ZSWIM5: variants seen among roughly 807,000 people sequenced by gnomAD.
ZSWIM5 encodes the protein zinc finger SWIM domain-containing protein 5.
Under a neutral mutation model 119.6 loss-of-function variants are expected in ZSWIM5, and 55 were observed. That is an observed-to-expected ratio of 0.46 (90% CI 0.37 to 0.58). The LOEUF is 0.58. ZSWIM5 is among the 20% of genes least tolerant of loss of function. ZSWIM5 has a pLI of 0.00. For synonymous variants in ZSWIM5, 537 were observed against 606.9 expected (o/e 0.88, Z 1.69); for missense variants, 1,193 against 1,512.8 (o/e 0.79, Z 3.51).
chr1:45,143,536 T>C (rs1557778946), intron 1 of ZSWIM5, among the ~76,000 whole-genome samples: 2 of 152,246 alleles, frequency 1.3e-5, no homozygotes, highest in East Asian at 3.9e-4. Flanking sequence ...AAAGGGTATC[T>C]ACAAAAATCC....
chr1:45,064,020 A>G (rs930844452), intron 2 of ZSWIM5, among the ~76,000 whole-genome samples: 1 of 151,954 alleles, frequency 6.6e-6, no homozygotes, highest in Middle Eastern at 3.4e-3. Context: ...TAGTGTACAG[A>G]GAGGCTAACA....
chr1:45,119,564 T>C (rs143817732), intron 1 of ZSWIM5, among the ~76,000 whole-genome samples: 104 of 152,300 alleles, frequency 6.8e-4, no homozygotes, highest in African/African-American at 2.4e-3. Context: ...CCTCAGGCCT[T>C]AGAAGCATGC....
intron 5 of ZSWIM5, 80 bp from the exon 6 acceptor site, chr1:45,043,475 GT>G: frequency 7.1e-7 from 1 of 1,398,956 alleles, no homozygotes; most frequent in Non-Finnish European, 1.0e-6. Flanking sequence ...AGGGTGGGAG[GT>G]TGGCTGAATA....
At chr1:45,023,436 C>T (rs557339814) in intron 11 of ZSWIM5, among the ~76,000 whole-genome samples, 29 of 149,960 alleles carry the variant, frequency 1.9e-4, no homozygotes, top group Non-Finnish European at 8.9e-5. Flanking sequence ...ACATGCAATA[C>T]GCATTTAAGT....
intron 11 of ZSWIM5, among the ~76,000 whole-genome samples, chr1:45,022,954 A>G (rs11211067): frequency 0.66 from 100,726 of 152,154 alleles, 34,405 homozygotes; most frequent in Middle Eastern, 0.78. Flanking sequence ...TTTTTGGAAC[A>G]CTGAGGAGTT....
At chr1:45,193,117 T>C (rs1391383040) in intron 1 of ZSWIM5, among the ~76,000 whole-genome samples, 1 of 151,430 alleles carries the variant, frequency 6.6e-6, no homozygotes, top group Non-Finnish European at 1.5e-5. Flanking sequence ...CAGGCAAATA[T>C]ATATGCTGAT....
chr1:45,096,632 A>G (rs1349614419), intron 1 of ZSWIM5, among the ~76,000 whole-genome samples: 1 of 152,096 alleles, frequency 6.6e-6, no homozygotes, highest in Non-Finnish European at 1.5e-5. Flanking sequence ...AACATTTTCA[A>G]GGAGTTCCTG....
intron 1 of ZSWIM5, among the ~76,000 whole-genome samples, chr1:45,180,484 G>A (rs1225534425): frequency 6.6e-6 from 1 of 152,210 alleles, no homozygotes; most frequent in Non-Finnish European, 1.5e-5. Context: ...TGCCTCTGTA[G>A]GCTCCACCTC....
intron 1 of ZSWIM5, among the ~76,000 whole-genome samples, chr1:45,163,825 A>G (rs1645881015): frequency 6.6e-6 from 1 of 152,228 alleles, no homozygotes; most frequent in Non-Finnish European, 1.5e-5. Context: ...CAATGTGAAA[A>G]GACCAAATCT....
At chr1:45,182,277 G>A (rs1488889642) in intron 1 of ZSWIM5, among the ~76,000 whole-genome samples, 14 of 151,978 alleles carry the variant, frequency 9.2e-5, no homozygotes, top group African/African-American at 2.7e-4. Flanking sequence ...AGTGGCTGGC[G>A]CCTGTAGTCC....
chr1:45,132,884 A>G (rs1645666640), intron 1 of ZSWIM5, among the ~76,000 whole-genome samples: 1 of 152,000 alleles, frequency 6.6e-6, no homozygotes, highest in South Asian at 2.1e-4. Flanking sequence ...TGTCCTTGTG[A>G]TAGTTTGCTG....
chr1:45,158,007 G>A (rs1385103827), intron 1 of ZSWIM5, among the ~76,000 whole-genome samples: 1 of 151,756 alleles, frequency 6.6e-6, no homozygotes, highest in Non-Finnish European at 1.5e-5. Context: ...ATATCTTATT[G>A]AGTTTTCTTT....
intron 5 of ZSWIM5, among the ~76,000 whole-genome samples, chr1:45,046,941 T>C (rs542152500): frequency 6.7e-6 from 1 of 149,154 alleles, no homozygotes; most frequent in Non-Finnish European, 1.5e-5. Context: ...GGAGAATCGC[T>C]TGAACCTGGG....
In ZSWIM5 at chr1:45,172,242, G is replaced by A. The variant is rs531327801; in HGVS notation, c.595+33514C>T. 5.9e-5 allele frequency among the ~76,000 whole-genome samples: 9 copies of A among 152,106 alleles called. No individual in the cohort carries two copies. The East Asian group carries it at 9.7e-4, about 16-fold the overall frequency. On this transcript the variant is annotated intron_variant, in intron 1 of 13. Coordinates refer to ENST00000359600, the MANE Select transcript of ZSWIM5 (RefSeq NM_020883.2). ...GGCTTCCCTATACTTTGTTTTGACC[G>A]TATTTGCTGAGCAAATATTAATAGT...
chr1:45,050,111 T>C (rs1187454716), intron 5 of ZSWIM5, among the ~76,000 whole-genome samples: 1 of 152,186 alleles, frequency 6.6e-6, no homozygotes, highest in Non-Finnish European at 1.5e-5. Context: ...CCCAGCATTC[T>C]GAGAGGCTGA....
At position 45,160,879 on chromosome 1, in the gene ZSWIM5, T is replaced by C. The variant is rs150703402; in HGVS notation, c.595+44877A>G. On this transcript the variant is annotated intron_variant, in intron 1 of 13. Transcript: ENST00000359600. ...CTTTGTCGCCCAGGCTGGAGTGCAG[T>C]GGCAAGATCTCAGCTCACTGCAAGC... Among the ~76,000 whole-genome samples the C allele has an allele frequency of 7.1e-3, 1,069 of 149,988 alleles. 13 individuals carry two copies. Among genetic ancestry groups the C allele is most frequent in the African/African-American group, 0.025 (1,025 of 40,622 alleles).
chr1:45,030,284 G>C (rs911914727), intron 11 of ZSWIM5, among the ~76,000 whole-genome samples: 1 of 152,018 alleles, frequency 6.6e-6, no homozygotes, highest in Non-Finnish European at 1.5e-5. Context: ...ATCTTGCTCT[G>C]TCGCCCAGGC....
intron 1 of ZSWIM5, among the ~76,000 whole-genome samples, chr1:45,183,156 C>T (rs1646033398): frequency 6.6e-6 from 1 of 151,772 alleles, no homozygotes; most frequent in Admixed American, 6.6e-5. Flanking sequence ...CTACTGGGTA[C>T]ATAACGAAAT....
intron 1 of ZSWIM5, among the ~76,000 whole-genome samples, chr1:45,124,342 T>C (rs1030245015): frequency 3.3e-5 from 5 of 152,068 alleles, no homozygotes; most frequent in African/African-American, 1.2e-4. Flanking sequence ...TAAAGAGATA[T>C]AAAGAAAAGT....
Sources: gnomAD v4.1 joint callset for allele counts (sites outside exome capture counted in the v4.1 genomes callset) on GRCh38, gnomAD v4.1.1 for gene constraint, MANE v1.5 for transcripts, NCBI Gene and HGNC (gene_info 2026-07-23, HGNC 2026-07-21) for gene names.